Variants in PSD3 observed in about 807,000 individuals in gnomAD.
PSD3 encodes the protein PH and SEC7 domain-containing protein 3.
Under a neutral mutation model 105.5 loss-of-function variants are expected in PSD3, and 49 were observed. That is an observed-to-expected ratio of 0.46 (90% CI 0.37 to 0.59). The LOEUF is 0.59. PSD3 is among the 20% of genes least tolerant of loss of function. The pLI, the probability that PSD3 is intolerant of heterozygous loss-of-function variation, is 0.00. For missense variants in PSD3, 1,561 were observed against 1,263.8 expected, an observed-to-expected ratio of 1.24 and a Z score of -3.57; for synonymous variants, 557 against 457.8, an observed-to-expected ratio of 1.22 and a Z score of -2.77.
intron 4 of PSD3, among the ~76,000 whole-genome samples, chr8:18,838,801 CAA>C (rs1264675371): frequency 8.9e-6 from 1 of 112,258 alleles, no homozygotes; most frequent in Non-Finnish European, 1.8e-5. Flanking sequence ...GACTCCGTCT[CAA>C]ATAATAATAA....
intron 4 of PSD3, among the ~76,000 whole-genome samples, chr8:18,841,944 G>T (rs1434601407): frequency 6.6e-6 from 1 of 152,170 alleles, no homozygotes; most frequent in Non-Finnish European, 1.5e-5. Context: ...CTTCAGACCA[G>T]TGGAGAGGTA....
At chr8:18,734,613 A>G (rs988785789) in intron 9 of PSD3, among the ~76,000 whole-genome samples, 3 of 152,196 alleles carry the variant, frequency 2.0e-5, no homozygotes, top group East Asian at 3.9e-4. Context: ...CACGGCAAAT[A>G]AAGTCCCCGC....
At chr8:18,593,197 T>C (rs962173971) in intron 12 of PSD3, among the ~76,000 whole-genome samples, 2 of 152,138 alleles carry the variant, frequency 1.3e-5, no homozygotes, top group Non-Finnish European at 2.9e-5. Flanking sequence ...ACCTACAGAA[T>C]GGGAGAAAAT....
chr8:18,849,672 A>G (rs1215866492), intron 4 of PSD3: 1 of 152,236 alleles, frequency 6.6e-6, no homozygotes, highest in African/African-American at 2.4e-5. Context: ...ACTATCAGCC[A>G]TGCCATCTAT....
At chr8:19,067,302 A>G (rs999609802) in intron 1 of PSD3, among the ~76,000 whole-genome samples, 3 of 152,172 alleles carry the variant, frequency 2.0e-5, no homozygotes, top group South Asian at 2.1e-4. Context: ...CATATCTATC[A>G]TTCCAGCTCA....
intron 9 of PSD3, among the ~76,000 whole-genome samples, chr8:18,688,609 A>G (rs1277971965): frequency 6.6e-6 from 1 of 152,224 alleles, no homozygotes; most frequent in African/African-American, 2.4e-5. Flanking sequence ...ACATCCTAAC[A>G]TTGAAACAAC....
At chr8:18,926,979 A>C (rs1048778108) in intron 2 of PSD3, among the ~76,000 whole-genome samples, 8 of 152,112 alleles carry the variant, frequency 5.3e-5, no homozygotes, top group African/African-American at 1.9e-4. Flanking sequence ...AGGATCCCAC[A>C]ACCCTTTCCC....
intron 2 of PSD3, among the ~76,000 whole-genome samples, chr8:18,927,656 T>C (rs1034010721): frequency 1.3e-5 from 2 of 152,214 alleles, no homozygotes; most frequent in Non-Finnish European, 2.9e-5. Context: ...GCTGCTGCCA[T>C]GCTACTTAGT....
chr8:18,724,437 C>A (rs1256270740), intron 9 of PSD3, among the ~76,000 whole-genome samples: 4 of 151,798 alleles, frequency 2.6e-5, no homozygotes, highest in Admixed American at 2.0e-4. Flanking sequence ...CATAGCGAGA[C>A]CCCCATCTCA....
At position 18,589,262 on chromosome 8, in the gene PSD3, C is replaced by T. The variant is rs192330657; in HGVS notation, c.2481+11102G>A. Among the ~76,000 whole-genome samples, 374 of 152,240 alleles carry T rather than the reference C, an allele frequency of 2.5e-3. 2 individuals are homozygous for T. The highest frequency in any genetic ancestry group is 8.7e-3 in the African/African-American group (360 of 41,554). On this transcript the variant is annotated intron_variant, in intron 12 of 15. Transcript: ENST00000327040. ...AATAAAGACAGTATGAGATAGCCAG[C>T]CACCTAAGAGCATGGATAATCTCCA...
At chr8:18,675,566 C>T (rs1290584279) in intron 9 of PSD3, among the ~76,000 whole-genome samples, 1 of 152,064 alleles carries the variant, frequency 6.6e-6, no homozygotes, top group African/African-American at 2.4e-5. Context: ...GAGCCTCAGC[C>T]AGCCCGTTCA....
rs571538966 is a variant in PSD3 at position 18,785,766 on chromosome 8, G to C, written c.2082+13529C>G. ...ACTCTTCCTTTCACTTGAACACTTA[G>C]AGGCCATTCTAAGGCTATTAATTGG... is the stretch of plus-strand genomic sequence containing the variant. On this transcript the variant is annotated intron_variant, in intron 8 of 15. Coordinates refer to ENST00000327040, the MANE Select transcript of PSD3 (RefSeq NM_015310.4). Among the ~76,000 whole-genome samples the C allele has an allele frequency of 2.7e-4, 41 of 152,204 alleles. No individual in the cohort carries two copies. In the South Asian group the frequency reaches 8.5e-3, roughly 32 times the overall value.
chr8:18,975,314 ATTTTTT>A (rs71218914), intron 1 of PSD3, among the ~76,000 whole-genome samples: 18 of 144,362 alleles, frequency 1.2e-4, no homozygotes, highest in East Asian at 2.0e-4. Context: ...ATTTTCTGAA[ATTTTTT>A]TTTTTTTTTT....
At chr8:18,940,599 G>T (rs577808734) in intron 1 of PSD3, 1 of 152,286 alleles carries the variant, frequency 6.6e-6, no homozygotes, top group South Asian at 2.1e-4. Context: ...GGAGGCTAAA[G>T]TAACTCTATC....
At chr8:18,842,898 C>T (rs964517037) in intron 4 of PSD3, among the ~76,000 whole-genome samples, 8 of 152,148 alleles carry the variant, frequency 5.3e-5, no homozygotes, top group African/African-American at 1.9e-4. Flanking sequence ...CTCAGAAGTT[C>T]CCTCTTGCCA....
chr8:18,900,736 C>T (rs1319629628), intron 2 of PSD3, among the ~76,000 whole-genome samples: 2 of 146,464 alleles, frequency 1.4e-5, no homozygotes, highest in Non-Finnish European at 3.0e-5. Flanking sequence ...AACTCCTGGG[C>T]TCAAGACATC....
chr8:18,949,469 C>G (rs7015751), intron 1 of PSD3, among the ~76,000 whole-genome samples: 1 of 150,376 alleles, frequency 6.6e-6, no homozygotes, highest in Non-Finnish European at 1.5e-5. Flanking sequence ...AAATAACACA[C>G]GAAATATTTA....
chr8:18,842,149 A>G (rs11204002), intron 4 of PSD3, among the ~76,000 whole-genome samples: 89,793 of 152,066 alleles, frequency 0.59, 27,186 homozygotes, highest in African/African-American at 0.69. Flanking sequence ...TGAGCCTGGC[A>G]TCTGCTGACA....
chr8:18,830,598 T>A (rs1813604694), intron 4 of PSD3, among the ~76,000 whole-genome samples: 1 of 152,234 alleles, frequency 6.6e-6, no homozygotes, highest in South Asian at 2.1e-4. Flanking sequence ...ACTTTGGTTA[T>A]CCAATCAATC....
Sources: gnomAD v4.1 joint callset for allele counts (sites outside exome capture counted in the v4.1 genomes callset) on GRCh38, gnomAD v4.1.1 for gene constraint, MANE v1.5 for transcripts, NCBI Gene and HGNC (gene_info 2026-07-23, HGNC 2026-07-21) for gene names.